Variants in WDR27 observed in about 807,000 individuals in gnomAD.
WDR27 encodes the protein WD repeat domain 27.
In WDR27, 100 loss-of-function variants were observed where a neutral mutation model predicts 114.4. The ratio of observed to expected loss-of-function variants is 0.87; its 90% confidence interval spans 0.74 to 1.03. WDR27 has a LOEUF of 1.03. Ranked by LOEUF, WDR27 falls within the 50% of genes least tolerant of loss-of-function variation. The pLI, the probability that WDR27 is intolerant of heterozygous loss-of-function variation, is 0.00. For missense variants in WDR27, 1,129 were observed against 1,092.9 expected (o/e 1.03, Z -0.47); for synonymous variants, 449 against 423.1 (o/e 1.06, Z -0.75).
In WDR27 at chr6:169,684,188, C is replaced by A. The variant is rs560999896; in HGVS notation, c.189+4629G>T. On this transcript the variant is annotated intron_variant, in intron 2 of 25. Coordinates refer to ENST00000448612, the MANE Select transcript of WDR27 (RefSeq NM_182552.5). The surrounding 1 kb of genome is among the most constrained non-coding windows in gnomAD (Gnocchi z 4.3). ...CCAGCCAGAGAAACAACCCAGCACT[C>A]CTGCCAAGGACAAACCTGCCCTTGA... Among the ~76,000 whole-genome samples the A allele has an allele frequency of 1.3e-5, 2 of 152,240 alleles. No homozygotes were observed. The highest frequency in any genetic ancestry group is 4.8e-5 in the African/African-American group (2 of 41,542).
chr6:169,610,710 G>T (rs1810328300), intron 22 of WDR27, among the ~76,000 whole-genome samples: 1 of 152,124 alleles, frequency 6.6e-6, no homozygotes, highest in Non-Finnish European at 1.5e-5. Flanking sequence ...CTACTACTCA[G>T]CCATAAAAAA....
chr6:169,674,556 T>G (rs1196047963), intron 2 of WDR27, among the ~76,000 whole-genome samples: 2 of 152,166 alleles, frequency 1.3e-5, no homozygotes, highest in Non-Finnish European at 2.9e-5. Flanking sequence ...AATACATTCA[T>G]AACCATGAAA....
At chr6:169,519,560 A>G (rs558013404) in intron 25 of WDR27, among the ~76,000 whole-genome samples, 1 of 152,160 alleles carries the variant, frequency 6.6e-6, no homozygotes, top group South Asian at 2.1e-4. Context: ...ACCAGATCTC[A>G]TAAGAACTCA....
chr6:169,629,401 GAAAGA>G (rs1190775580), intron 21 of WDR27, among the ~76,000 whole-genome samples: 1 of 151,964 alleles, frequency 6.6e-6, no homozygotes, highest in African/African-American at 2.4e-5. Flanking sequence ...ATAAACCCCA[GAAAGA>G]AAAGAACAAA....
intron 22 of WDR27, among the ~76,000 whole-genome samples, chr6:169,610,640 C>A (rs955518771): frequency 9.9e-5 from 15 of 152,062 alleles, no homozygotes; most frequent in African/African-American, 3.6e-4. Flanking sequence ...GGGGACACAG[C>A]CAAACCATAT....
rs754277608 is a variant in WDR27 at position 169,613,561 on chromosome 6, C to CA, written c.2318dup (p.Arg774GlufsTer3). ...TGCAGGGCGCAGGACAGCCTTACCTCAGGGTTCTCAGGTCCCACAGTCTCA... is the reference window on the plus strand; with the variant it reads ...TGCAGGGCGCAGGACAGCCTTACCTCAAGGGTTCTCAGGTCCCACAGTCTCA... On this transcript the variant is annotated frameshift_variant, in exon 22 of 26. Coordinates refer to ENST00000448612, the MANE Select transcript of WDR27 (RefSeq NM_182552.5). LOFTEE classifies it high-confidence loss of function. 2.5e-6 allele frequency: 4 copies of CA among 1,613,498 alleles called. No individual in the cohort carries two copies. The South Asian group carries it at 4.4e-5, about 18-fold the overall frequency.
chr6:169,638,534 A>G lies in WDR27; in HGVS notation c.1869+5T>C. On this transcript the variant is annotated splice_donor_5th_base_variant and intron_variant, in intron 18 of 25. Coordinates refer to ENST00000448612, the MANE Select transcript of WDR27 (RefSeq NM_182552.5). ...CTGCCCATGGCAGAGATGACTGTCC[A>G]TTACCAGAAGCAGTGCGAGCTCTGC... 13 of 1,611,030 alleles carry G rather than the reference A, an allele frequency of 8.1e-6. No homozygotes were observed. Among genetic ancestry groups the G allele is most frequent in the Non-Finnish European group, 1.1e-5 (13 of 1,179,102 alleles).
chr6:169,647,309 G>A (rs776405608), intron 16 of WDR27, among the ~76,000 whole-genome samples: 5 of 152,220 alleles, frequency 3.3e-5, no homozygotes, highest in East Asian at 1.9e-4. Context: ...TGAGGGTCCG[G>A]TAAGGAAGGA....
downstream of WDR27, among the ~76,000 whole-genome samples, chr6:169,453,863 A>T (rs1784248385): frequency 6.6e-6 from 1 of 152,206 alleles, no homozygotes; most frequent in South Asian, 2.1e-4. Flanking sequence ...ACCTAAACAC[A>T]AAGCAGATCA....
rs186596972 is a variant in WDR27, at chr6:169,510,219, G to A, written c.2646-52585C>T. ...TAGTTCAACCATTGTGGAAGTTGGC[G>A]TGGCAATTCCTCAGGGATCTAGAAC... On this transcript the variant is annotated intron_variant, in intron 25 of 25. Transcript: ENST00000448612. Among the ~76,000 whole-genome samples, 762 of 152,292 alleles carry A rather than the reference G, an allele frequency of 5.0e-3. 4 individuals carry two copies. The highest frequency in any genetic ancestry group is 8.3e-3 in the Non-Finnish European group (562 of 68,026).
chr6:169,569,739 T>C (rs1248793869), intron 25 of WDR27, among the ~76,000 whole-genome samples: 4 of 152,228 alleles, frequency 2.6e-5, no homozygotes, highest in Non-Finnish European at 4.4e-5. Flanking sequence ...AAATATTAAT[T>C]ATTCCAGGTT....
Position 169,481,028 on chromosome 6 carries a change from T to C in WDR27, c.2646-23394A>G, listed in dbSNP as rs1040125804. Among the ~76,000 whole-genome samples, 9 of 151,992 alleles carry C rather than the reference T, an allele frequency of 5.9e-5. No individual in the cohort carries two copies. In the East Asian group the frequency reaches 1.4e-3, roughly 23 times the overall value. ...TCAGCACTCTGTCTAGCTAAATGTT[T>C]ATGGATGCATCAATCAGCACTCTGT... On this transcript the variant is annotated intron_variant, in intron 25 of 25. Coordinates refer to ENST00000448612, the MANE Select transcript of WDR27 (RefSeq NM_182552.5).
intron 25 of WDR27, among the ~76,000 whole-genome samples, chr6:169,482,938 G>C (rs1358808626): frequency 2.6e-5 from 4 of 152,112 alleles, no homozygotes; most frequent in Non-Finnish European, 5.9e-5. Flanking sequence ...AATGACTTTT[G>C]GGTAAATAAT....
downstream of WDR27, among the ~76,000 whole-genome samples, chr6:169,455,614 G>A (rs1036725316): frequency 6.6e-6 from 1 of 152,202 alleles, no homozygotes; most frequent in Non-Finnish European, 1.5e-5. Context: ...ACTGCTGATC[G>A]GAACCAGGCA....
intron 25 of WDR27, among the ~76,000 whole-genome samples, chr6:169,467,064 C>T (rs192522678): frequency 4.1e-4 from 62 of 152,288 alleles, no homozygotes; most frequent in Non-Finnish European, 6.0e-4. Context: ...AGTGGGGCAG[C>T]CAAATCTTAA....
rs371384231 is a variant in WDR27 at position 169,619,213 on chromosome 6, TAA to T, written c.2224-5559_2224-5558del. The stretch of plus-strand genomic sequence containing the variant: ...ACCTCTTAACAAAAAGCTAAGATTT[TAA>T]AAGAGAGGAACTCTCCTTGAATTGG... On this transcript the variant is annotated intron_variant, in intron 21 of 25. Coordinates refer to ENST00000448612, the MANE Select transcript of WDR27 (RefSeq NM_182552.5). 1.3e-4 allele frequency among the ~76,000 whole-genome samples: 20 copies of T among 152,346 alleles called. No homozygotes were observed. In the South Asian group the frequency reaches 2.5e-3, roughly 19 times the overall value.
At position 169,660,715 on chromosome 6, in the gene WDR27, T is replaced by C. The variant is rs1825826835; in HGVS notation, c.1077A>G (p.Leu359=). The C allele has an allele frequency of 1.2e-6, 2 of 1,613,906 alleles. No homozygotes were observed. Among genetic ancestry groups the C allele is most frequent in the Non-Finnish European group, 1.7e-6 (2 of 1,179,862 alleles). Residue 359 remains leucine, a synonymous_variant, in exon 10 of 26, where the codon TTA becomes TTG. Coordinates refer to ENST00000448612, the MANE Select transcript of WDR27 (RefSeq NM_182552.5). ...RCVWIGSSVG[L]FVFNLANLEV... is the part of the protein sequence containing the mutation. Reference sequence around the variant, plus strand: ...CCAGGTTTGCCAGGTTAAATACGAATAAGCCCACTGAGCTTCCGATCCACA... The same window carrying C: ...CCAGGTTTGCCAGGTTAAATACGAACAAGCCCACTGAGCTTCCGATCCACA...
At chr6:169,466,537 A>G (rs1785613008) in intron 25 of WDR27, among the ~76,000 whole-genome samples, 2 of 152,170 alleles carry the variant, frequency 1.3e-5, no homozygotes, top group South Asian at 2.1e-4. Context: ...CTGCTCCCAC[A>G]ATTCAATTAC....
chr6:169,463,681 A>C (rs945388923), intron 25 of WDR27, among the ~76,000 whole-genome samples: 5 of 152,270 alleles, frequency 3.3e-5, no homozygotes, highest in Non-Finnish European at 5.9e-5. Context: ...AATTAATAAA[A>C]TCAGCAAAAT....
Sources: allele counts gnomAD v4.1 joint callset (sites outside exome capture counted in the v4.1 genomes callset), GRCh38; gene constraint gnomAD v4.1.1; non-coding constraint Gnocchi (gnomAD v3.1); transcripts MANE v1.5; gene names NCBI Gene and HGNC (gene_info 2026-07-23, HGNC 2026-07-21).